MYLK4: variants seen among roughly 807,000 people sequenced by gnomAD.
MYLK4 encodes myosin light chain kinase family member 4, also known as caMLCK like.
A neutral mutation model predicts 48.1 loss-of-function variants in MYLK4; 46 were observed. The ratio of observed to expected loss-of-function variants is 0.96; its 90% confidence interval spans 0.75 to 1.22. The LOEUF is 1.22. Ranked by LOEUF, MYLK4 falls within the 50% of genes most tolerant of loss-of-function variation. The pLI is 0.00. For synonymous variants in MYLK4, 170 were observed against 180.8 expected, an observed-to-expected ratio of 0.94 and a Z score of 0.48; for missense variants, 451 against 486.1, an observed-to-expected ratio of 0.93 and a Z score of 0.68.
rs544216398 is a variant in MYLK4 at position 2,680,762 on chromosome 6, G to A, written c.688-471C>T. On this transcript the variant is annotated intron_variant, in intron 7 of 12. Coordinates refer to ENST00000274643, the MANE Select transcript of MYLK4 (RefSeq NM_001012418.5). ...ACATGCACTGTCACGTGAACGTTCC[G>A]GCCTCCAGAGCTTCCCTTTGCTCAA... is the stretch of plus-strand genomic sequence containing the variant. 2.8e-4 allele frequency among the ~76,000 whole-genome samples: 43 copies of A among 152,264 alleles called. 1 individual carries two copies. The highest frequency in any genetic ancestry group is 9.1e-4 in the African/African-American group (38 of 41,546).
chr6:2,737,245 G>A (rs549692532), intron 2 of MYLK4, among the ~76,000 whole-genome samples: 14 of 152,334 alleles, frequency 9.2e-5, no homozygotes, highest in African/African-American at 2.4e-4. Context: ...CCCGGGAGGC[G>A]GAGGTTGCAG....
At chr6:2,715,433 A>G (rs1244408504) in intron 2 of MYLK4, among the ~76,000 whole-genome samples, 1 of 152,168 alleles carries the variant, frequency 6.6e-6, no homozygotes, top group African/African-American at 2.4e-5. Context: ...CAATTTTTTT[A>G]AGTCATAAAA....
intron 8 of MYLK4, 192 bp from the exon 9 acceptor site, chr6:2,679,600 C>A (rs1561833736): frequency 9.8e-6 from 7 of 712,454 alleles, no homozygotes; most frequent in Non-Finnish European, 1.7e-5. Flanking sequence ...ATTTAAAAGT[C>A]AAAATTCATA....
chr6:2,677,567 T>A (rs985031904), intron 10 of MYLK4, among the ~76,000 whole-genome samples: 1 of 152,216 alleles, frequency 6.6e-6, no homozygotes, highest in Non-Finnish European at 1.5e-5. Flanking sequence ...ATCCCTATAT[T>A]TCAATGTCAC....
In MYLK4 at chr6:2,685,209, C is replaced by T. The variant is rs1451091187; in HGVS notation, c.545+87G>A. On this transcript the variant is annotated intron_variant, in intron 6 of 12. Transcript: ENST00000274643. The surrounding 1 kb of genome is among the most constrained non-coding windows in gnomAD (Gnocchi z 4.5). ...GCGGGGGCGAGCTTGGTTCTGGTCCCGCTACAGCAGGACGGAGCTACTGAG... is the reference window on the plus strand; with the variant it reads ...GCGGGGGCGAGCTTGGTTCTGGTCCTGCTACAGCAGGACGGAGCTACTGAG... The T allele has an allele frequency of 1.6e-5, 15 of 956,534 alleles. No homozygotes were observed. Among genetic ancestry groups the T allele is most frequent in the East Asian group, 2.4e-5 (1 of 41,270 alleles). 59.3% of individuals were successfully genotyped at this position (956,534 alleles called of 1,614,324 possible).
chr6:2,767,052 T>C, the MYLK4 span, among the ~76,000 whole-genome samples: 1 of 152,204 alleles, frequency 6.6e-6, no homozygotes, highest in African/African-American at 2.4e-5. Context: ...CATCTGCAAG[T>C]CATTTTCATC....
chr6:2,709,506 G>T (rs555474748), intron 2 of MYLK4, among the ~76,000 whole-genome samples: 83 of 152,290 alleles, frequency 5.5e-4, no homozygotes, highest in Middle Eastern at 6.8e-3. Flanking sequence ...AGAATTCAGG[G>T]CCACAGCAAG....
chr6:2,751,696 C>A (rs542464467), upstream of MYLK4, among the ~76,000 whole-genome samples: 2 of 152,140 alleles, frequency 1.3e-5, no homozygotes, highest in Admixed American at 1.3e-4. Context: ...CCCCTCTATG[C>A]CCCATTCTAA....
the MYLK4 span, among the ~76,000 whole-genome samples, chr6:2,764,931 C>T: frequency 2.0e-5 from 3 of 152,214 alleles, no homozygotes; most frequent in African/African-American, 7.2e-5. Flanking sequence ...CACTGGTTTT[C>T]TATTGGAGGC....
chr6:2,682,081 G>T (rs986403063), intron 7 of MYLK4, among the ~76,000 whole-genome samples: 1 of 152,184 alleles, frequency 6.6e-6, no homozygotes, highest in Admixed American at 6.5e-5. Flanking sequence ...AAGACAGTGA[G>T]GGAAGCCAAG....
chr6:2,741,268 G>C (rs944447179), intron 2 of MYLK4, among the ~76,000 whole-genome samples: 3 of 152,112 alleles, frequency 2.0e-5, no homozygotes, highest in Non-Finnish European at 4.4e-5. Context: ...CTATATTTAG[G>C]AATTTTGTTA....
intron 8 of MYLK4, 75 bp from the exon 9 acceptor site, chr6:2,679,483 T>C: frequency 1.3e-6 from 2 of 1,553,004 alleles, no homozygotes; most frequent in Non-Finnish European, 1.8e-6. Flanking sequence ...ATGTAGTCTA[T>C]GAGACAAAAT....
At chr6:2,768,086 G>T in the MYLK4 span, among the ~76,000 whole-genome samples, 1 of 152,136 alleles carries the variant, frequency 6.6e-6, no homozygotes, top group Non-Finnish European at 1.5e-5. Context: ...TGCTTTACCT[G>T]GGTCTCCTTG....
rs554946172 is a variant in MYLK4 at position 2,730,444 on chromosome 6, T to G, written c.159+18692A>C. Among the ~76,000 whole-genome samples the G allele has an allele frequency of 1.6e-3, 246 of 152,266 alleles. 1 individual carries two copies. Among genetic ancestry groups the G allele is most frequent in the Non-Finnish European group, 2.1e-3 (144 of 68,018 alleles). On this transcript the variant is annotated intron_variant, in intron 2 of 12. Transcript: ENST00000274643. ...CATTGCAGCATTGAATGAGGGGCTGTAAGTAGCCACAAGAGCAGGTCCCCG... is the reference window on the plus strand; with the variant it reads ...CATTGCAGCATTGAATGAGGGGCTGGAAGTAGCCACAAGAGCAGGTCCCCG...
the MYLK4 span, among the ~76,000 whole-genome samples, chr6:2,763,775 G>A: frequency 6.6e-6 from 1 of 152,248 alleles, no homozygotes; most frequent in South Asian, 2.1e-4. Flanking sequence ...CCAAGGCAGA[G>A]GAGGCGCTGA....
chr6:2,765,117 G>A, the MYLK4 span, among the ~76,000 whole-genome samples: 23 of 151,134 alleles, frequency 1.5e-4, no homozygotes, highest in Middle Eastern at 3.4e-3. Flanking sequence ...CGACTCGCAG[G>A]CCTGGGCGGA....
At chr6:2,751,545 A>G (rs545176929), upstream of MYLK4, among the ~76,000 whole-genome samples, 1 of 152,244 alleles carries the variant, frequency 6.6e-6, no homozygotes, top group African/African-American at 2.4e-5. Context: ...CACCTGCCCG[A>G]CTCTCACAGT....
At chr6:2,698,506 T>G (rs1393649911) in intron 2 of MYLK4, among the ~76,000 whole-genome samples, 1 of 152,250 alleles carries the variant, frequency 6.6e-6, no homozygotes, top group African/African-American at 2.4e-5. Context: ...CTGGGTCATG[T>G]ACCCTGAATA....
At chr6:2,770,005 C>T in the MYLK4 span, 2 of 1,461,546 alleles carry the variant, frequency 1.4e-6, no homozygotes, top group Non-Finnish European at 1.9e-6. Context: ...GCTGCTATTC[C>T]TGAACTCGAA....
Sources: gnomAD v4.1 joint callset for allele counts (sites outside exome capture counted in the v4.1 genomes callset) on GRCh38, gnomAD v4.1.1 for gene constraint, Gnocchi (gnomAD v3.1) non-coding constraint, MANE v1.5 for transcripts, NCBI Gene and HGNC (gene_info 2026-07-23, HGNC 2026-07-21) for gene names.